ANKRD44: variants seen among roughly 807,000 people sequenced by gnomAD.
ANKRD44 encodes the protein serine/threonine-protein phosphatase 6 regulatory ankyrin repeat subunit B.
Under a neutral mutation model 116.0 loss-of-function variants are expected in ANKRD44, and 35 were observed. That is an observed-to-expected ratio of 0.30 (90% CI 0.23 to 0.40). The LOEUF is 0.40. Ranked by LOEUF, ANKRD44 falls within the 10% of genes least tolerant of loss-of-function variation. The pLI is 1.00. For synonymous variants in ANKRD44, 435 were observed against 461.8 expected, an observed-to-expected ratio of 0.94 and a Z score of 0.74; for missense variants, 1,014 against 1,242.6, an observed-to-expected ratio of 0.82 and a Z score of 2.77.
At chr2:197,159,377 G>A (rs922036540) in intron 2 of ANKRD44, among the ~76,000 whole-genome samples, 1 of 152,214 alleles carries the variant, frequency 6.6e-6, no homozygotes, top group African/African-American at 2.4e-5. Flanking sequence ...ATCTCTGGGT[G>A]AATAATTTTA....
intron 21 of ANKRD44, among the ~76,000 whole-genome samples, chr2:196,976,412 C>A (rs1178851869): frequency 6.6e-6 from 1 of 152,068 alleles, no homozygotes; most frequent in African/African-American, 2.4e-5. Context: ...GTCACTCACA[C>A]CACATCTATT....
intron 1 of ANKRD44, among the ~76,000 whole-genome samples, chr2:197,221,985 C>T (rs968877720): frequency 1.4e-4 from 21 of 152,192 alleles, no homozygotes; most frequent in Non-Finnish European, 7.3e-5. Flanking sequence ...CTACTGCACT[C>T]CATGGCTAAG....
chr2:196,973,936 T>C (rs1315332392), intron 21 of ANKRD44, among the ~76,000 whole-genome samples: 1 of 152,162 alleles, frequency 6.6e-6, no homozygotes, highest in Non-Finnish European at 1.5e-5. Context: ...CTTTCTTAAG[T>C]TGACATTGAA....
intron 1 of ANKRD44, among the ~76,000 whole-genome samples, chr2:197,225,906 G>A (rs1488661849): frequency 6.6e-6 from 1 of 152,154 alleles, no homozygotes; most frequent in African/African-American, 2.4e-5. Flanking sequence ...ACTTCTGAGA[G>A]AAAACACTTC....
chr2:197,078,638 A>C, intron 16 of ANKRD44, 65 bp downstream of exon 16: 1 of 1,579,810 alleles, frequency 6.3e-7, no homozygotes, highest in Non-Finnish European at 8.6e-7. Flanking sequence ...AAAACAGTTA[A>C]TGCCTCTGTG....
intron 1 of ANKRD44, chr2:197,301,171 T>C (rs1324225985): frequency 6.6e-6 from 1 of 152,242 alleles, no homozygotes; most frequent in Non-Finnish European, 1.5e-5. Context: ...GCATGATTCT[T>C]GTCTTGTCTC....
At chr2:197,103,164 C>G (rs1248240374) in intron 9 of ANKRD44, among the ~76,000 whole-genome samples, 1 of 147,980 alleles carries the variant, frequency 6.8e-6, no homozygotes, top group Non-Finnish European at 1.5e-5. Context: ...GGAGGCAGAG[C>G]TTGCAGTGAG....
chr2:197,248,554 ATGTGTGTGTGTG>A (rs3057750), intron 1 of ANKRD44, among the ~76,000 whole-genome samples: 2 of 135,270 alleles, frequency 1.5e-5, no homozygotes, highest in Non-Finnish European at 1.6e-5. Flanking sequence ...ATATATGTAT[ATGTGTGTGTGTG>A]TGTGTGTGTG....
intron 1 of ANKRD44, among the ~76,000 whole-genome samples, chr2:197,268,720 A>C (rs576217055): frequency 6.6e-6 from 1 of 152,240 alleles, no homozygotes; most frequent in South Asian, 2.1e-4. Context: ...GTATGTCTGC[A>C]TGCATCTGCT....
chr2:197,305,296 G>A (rs2084036753), intron 1 of ANKRD44, among the ~76,000 whole-genome samples: 2 of 152,292 alleles, frequency 1.3e-5, no homozygotes, highest in South Asian at 4.1e-4. Flanking sequence ...GAGGGACTCA[G>A]GGACCACTGT....
At chr2:197,139,097 A>G (rs565916992) in intron 3 of ANKRD44, among the ~76,000 whole-genome samples, 1 of 152,294 alleles carries the variant, frequency 6.6e-6, no homozygotes, top group African/African-American at 2.4e-5. Context: ...GTGAATTGGT[A>G]CAACCTCCTT....
intron 1 of ANKRD44, 59 bp downstream of exon 1, chr2:197,310,519 C>T: frequency 9.9e-7 from 1 of 1,007,594 alleles, no homozygotes; most frequent in Middle Eastern, 4.6e-4. Flanking sequence ...CATCCCCCCG[C>T]CGGGCTCCGC....
At chr2:197,136,398 G>C (rs376120090) in intron 4 of ANKRD44, 194 bp downstream of exon 4, 4 of 608,982 alleles carry the variant, frequency 6.6e-6, no homozygotes, top group Admixed American at 2.8e-5. Context: ...AACTACCCCA[G>C]ATACTCCCCA....
intron 7 of ANKRD44, among the ~76,000 whole-genome samples, chr2:197,122,168 C>G (rs2125326261): frequency 6.6e-6 from 1 of 152,266 alleles, no homozygotes; most frequent in South Asian, 2.1e-4. Context: ...AATGATGCAA[C>G]TTGGTTTTCC....
intron 16 of ANKRD44, among the ~76,000 whole-genome samples, chr2:197,047,690 T>C (rs2077027807): frequency 6.6e-6 from 1 of 152,018 alleles, no homozygotes; most frequent in Non-Finnish European, 1.5e-5. Context: ...GGCAGGTGGA[T>C]CACGAACTCA....
At chr2:197,048,180 T>A (rs918697811) in intron 16 of ANKRD44, among the ~76,000 whole-genome samples, 5 of 152,206 alleles carry the variant, frequency 3.3e-5, no homozygotes, top group African/African-American at 1.2e-4. Context: ...GACCTATTTT[T>A]AATGTATTCA....
intron 1 of ANKRD44, among the ~76,000 whole-genome samples, chr2:197,232,921 A>T (rs1053022572): frequency 2.0e-5 from 3 of 152,228 alleles, no homozygotes; most frequent in Non-Finnish European, 4.4e-5. Context: ...AATATTTTGC[A>T]AGACAGTTCT....
At chr2:197,112,940 G>A (rs960681279) in intron 8 of ANKRD44, among the ~76,000 whole-genome samples, 15 of 150,438 alleles carry the variant, frequency 1.0e-4, no homozygotes, top group Non-Finnish European at 1.9e-4. Flanking sequence ...CACATAGTCT[G>A]TGCCAAGAAA....
At chr2:197,144,245 G>T (rs1351126502) in intron 3 of ANKRD44, among the ~76,000 whole-genome samples, 1 of 152,190 alleles carries the variant, frequency 6.6e-6, no homozygotes, top group Non-Finnish European at 1.5e-5. Flanking sequence ...TAGCAAGCTT[G>T]GGTTACACCA....
Sources: gnomAD v4.1 joint callset for allele counts (sites outside exome capture counted in the v4.1 genomes callset) on GRCh38, gnomAD v4.1.1 for gene constraint, MANE v1.5 for transcripts, NCBI Gene and HGNC (gene_info 2026-07-23, HGNC 2026-07-21) for gene names.